ANP32E: variants seen among roughly 807,000 people sequenced by gnomAD.
ANP32E encodes acidic leucine-rich nuclear phosphoprotein 32 family member E.
ANP32E carries 14 observed loss-of-function variants against 35.3 expected under a neutral mutation model. That is an observed-to-expected ratio of 0.40 (90% confidence interval 0.26 to 0.62). The LOEUF (loss-of-function observed/expected upper bound fraction) is 0.62. ANP32E is among the 20% of genes least tolerant of loss of function. The probability of loss-of-function intolerance (pLI) is 0.45; values close to 1 mark genes in which losing one functional copy is unlikely to be tolerated. For synonymous variants in ANP32E, 89 were observed against 110.4 expected (o/e 0.81, Z 1.22); for missense variants, 198 against 304.4 (o/e 0.65, Z 2.60).
intron 2 of ANP32E, 77 bp downstream of exon 2, chr1:150,231,700 G>T: frequency 7.8e-7 from 1 of 1,286,094 alleles, no homozygotes; most frequent in Middle Eastern, 2.0e-4. Context: ...AAGCAGAATG[G>T]TCATTCCATT....
intron 5 of ANP32E, among the ~76,000 whole-genome samples, chr1:150,224,520 A>T (rs1340602993): frequency 2.0e-5 from 3 of 151,980 alleles, no homozygotes; most frequent in Admixed American, 6.6e-5. Flanking sequence ...GTAGCAGTGA[A>T]CCGAGATCGC....
chr1:150,220,897 G>A lies in ANP32E; in HGVS notation c.737-136C>T, dbSNP rs369283856. ...CACCTGTAATCCCAGCACTTTGGGAGGCTGAGGTGGATGGATCACTTGAGG... is the reference window on the plus strand; with the variant it reads ...CACCTGTAATCCCAGCACTTTGGGAAGCTGAGGTGGATGGATCACTTGAGG... On this transcript the variant is annotated intron_variant, in intron 6 of 6. Transcript: ENST00000583931. 167 of 680,750 alleles carry A rather than the reference G, an allele frequency of 2.5e-4. No homozygotes were observed. In the African/African-American group the frequency reaches 2.6e-3, roughly 11 times the overall value. 42.2% of individuals were successfully genotyped at this position (680,750 alleles called of 1,614,324 possible).
intron 3 of ANP32E, among the ~76,000 whole-genome samples, chr1:150,229,892 G>A (rs587765486): frequency 4.3e-4 from 65 of 152,210 alleles, no homozygotes; most frequent in East Asian, 4.1e-3. Context: ...GATTACAGGC[G>A]CAAGCCACCG....
At position 150,226,675 on chromosome 1, in the gene ANP32E, G is replaced by GCTTCAT. The variant is rs781986830; in HGVS notation, c.608_613dup (p.Asp203_Glu204dup). On this transcript the variant is annotated inframe_insertion, in exon 5 of 7. Transcript: ENST00000583931. The stretch of plus-strand genomic sequence containing the variant: ...TTCTCCCTCTCCCAACTCTGAACCT[G>GCTTCAT]CTTCATCTTCATCTTCATCCTCATC... 1.3e-4 allele frequency: 206 copies of GCTTCAT among 1,605,084 alleles called. 1 individual carries two copies. Among genetic ancestry groups the GCTTCAT allele is most frequent in the Non-Finnish European group, 1.6e-4 (184 of 1,173,022 alleles).
At chr1:150,231,415 T>C (rs1553841674) in intron 2 of ANP32E, among the ~76,000 whole-genome samples, 2 of 152,014 alleles carry the variant, frequency 1.3e-5, no homozygotes, top group African/African-American at 4.8e-5. Flanking sequence ...GACAACATGG[T>C]GAAACCCTAT....
In ANP32E at chr1:150,223,231, C is replaced by A; in HGVS notation, c.691G>T (p.Asp231Tyr). 1 of 1,527,516 alleles carries A rather than the reference C, an allele frequency of 6.5e-7. No homozygotes were observed. The highest frequency in any genetic ancestry group is 8.9e-7 in the Non-Finnish European group (1 of 1,125,166). 94.6% of individuals were successfully genotyped at this position (1,527,516 alleles called of 1,614,324 possible). Residue 231 changes from aspartate to tyrosine, a missense_variant, in exon 6 of 7, where the codon GAT becomes TAT. By Grantham distance (160) the Asp-to-Tyr change is radical. This residue lies in a region of ANP32E where 121 missense variants were observed against 137.3 expected (regional missense o/e 0.88). Coordinates refer to ENST00000583931, the MANE Select transcript of ANP32E (RefSeq NM_030920.5). The part of the protein sequence containing the change: ...LMKEEIQDEE[D>Y]DDDYVEEGEE... ...CCTTCTTCAACATAGTCATCATCAT[C>A]TTCTTCATCCTTGAAATTCAAATAT...
rs1389487903 is a variant in ANP32E, at chr1:150,235,643, C to T, written c.54+90G>A. 4 of 1,486,150 alleles carry T rather than the reference C, an allele frequency of 2.7e-6. No individual in the cohort carries two copies. The highest frequency in any genetic ancestry group is 3.7e-6 in the Non-Finnish European group (4 of 1,076,560). 92.1% of individuals were successfully genotyped at this position (1,486,150 alleles called of 1,614,324 possible). Reference sequence around the variant, plus strand: ...GGGGGATGGGGGCTAACTTATTACTCCATCCCCGCACACCCACCCAGGACC... The same window carrying T: ...GGGGGATGGGGGCTAACTTATTACTTCATCCCCGCACACCCACCCAGGACC... On this transcript the variant is annotated intron_variant, in intron 1 of 6. Coordinates refer to ENST00000583931, the MANE Select transcript of ANP32E (RefSeq NM_030920.5). This position sits in a 1 kb window ranked among gnomAD's most constrained non-coding sequence, Gnocchi z 4.2.
chr1:150,223,148 T>C (rs781796302), intron 6 of ANP32E, 38 bp downstream of exon 6: 5 of 1,481,384 alleles, frequency 3.4e-6, no homozygotes, highest in Non-Finnish European at 3.7e-6. Flanking sequence ...TGACTATGTC[T>C]TTAATTTTAT....
intron 5 of ANP32E, among the ~76,000 whole-genome samples, chr1:150,225,668 CAAAAAAAAAA>C (rs1648810070): frequency 3.4e-5 from 4 of 119,248 alleles, no homozygotes; most frequent in African/African-American, 6.4e-5. Flanking sequence ...GAGACTGTAA[CAAAAAAAAAA>C]AAAAAAAAAA....
intron 5 of ANP32E, 120 bp downstream of exon 5, chr1:150,226,488 G>T (rs1648884884): frequency 6.1e-6 from 7 of 1,153,706 alleles, no homozygotes; most frequent in Non-Finnish European, 8.5e-6. Context: ...CAGGTGGATA[G>T]ACATATGCAC....
intron 4 of ANP32E, among the ~76,000 whole-genome samples, chr1:150,228,088 A>G (rs1649023504): frequency 6.6e-6 from 1 of 150,946 alleles, no homozygotes; most frequent in Non-Finnish European, 1.5e-5. Context: ...TATTATATAT[A>G]TATATATGGT....
At chr1:150,232,899 A>G (rs1234657077) in intron 1 of ANP32E, among the ~76,000 whole-genome samples, 2 of 152,164 alleles carry the variant, frequency 1.3e-5, no homozygotes, top group East Asian at 3.8e-4. Context: ...GACCCTCAAC[A>G]TCAGATAATA....
intron 6 of ANP32E, among the ~76,000 whole-genome samples, chr1:150,221,560 G>T: frequency 1.0e-5 from 1 of 97,926 alleles, no homozygotes. Flanking sequence ...AGGGAGGGAA[G>T]GAAAGGAAGG....
rs1410365121 is a variant in ANP32E, at chr1:150,220,554, AAAT to A, written c.*134_*136del. The A allele has an allele frequency of 1.7e-5, 14 of 829,318 alleles. No individual in the cohort carries two copies. The Admixed American group carries it at 3.2e-4, about 19-fold the overall frequency. 51.4% of individuals were successfully genotyped at this position (829,318 alleles called of 1,614,324 possible). On this transcript the variant is annotated 3_prime_UTR_variant, in exon 7 of 7. Transcript: ENST00000583931. ...GTTCTTATTTGGAATGATAAGGCAA[AAAT>A]AGTAAAACCACACTTTTCCTATAAA...
chr1:150,227,195 C>G (rs1648947265), intron 4 of ANP32E, among the ~76,000 whole-genome samples: 2 of 152,106 alleles, frequency 1.3e-5, no homozygotes, highest in African/African-American at 4.8e-5. Context: ...TTGGAAATTT[C>G]TCAAAGAACT....
chr1:150,220,643 A>G lies in ANP32E; in HGVS notation c.*48T>C. 1 of 1,508,050 alleles carries G rather than the reference A, an allele frequency of 6.6e-7. No individual in the cohort carries two copies. The highest frequency in any genetic ancestry group is 2.3e-5 in the East Asian group (1 of 44,320). The allele number at this position is 1,508,050 out of a possible 1,614,324, so 93.4% of individuals were successfully genotyped here. A position where few individuals can be genotyped will look rare whatever the true frequency, so the allele number is the denominator to read the frequency against. On this transcript the variant is annotated 3_prime_UTR_variant, in exon 7 of 7. Coordinates refer to ENST00000583931, the MANE Select transcript of ANP32E (RefSeq NM_030920.5). ...TACATGAAGAAACAAAGATGTGATC[A>G]CTCTATTGCACACCCAGAAACATTA...
intron 2 of ANP32E, 146 bp downstream of exon 2, chr1:150,231,630 AT>A (rs1649356676): frequency 1.1e-5 from 4 of 356,252 alleles, no homozygotes; most frequent in Non-Finnish European, 1.5e-5. Flanking sequence ...ATTAGAGCTT[AT>A]TCTCAAAATC....
Position 150,231,767 on chromosome 1 carries a change from G to A in ANP32E, c.204+10C>T. ...TGAAATCATGATGCTTCACGTAAAT[G>A]CCAACTTACTTTTCGAAGTTTATTT... On this transcript the variant is annotated intron_variant, in intron 2 of 6. Transcript: ENST00000583931. The A allele has an allele frequency of 1.9e-6, 3 of 1,603,264 alleles. No homozygotes were observed. Among genetic ancestry groups the A allele is most frequent in the South Asian group, 2.2e-5 (2 of 88,984 alleles).
intron 3 of ANP32E, 68 bp from the exon 4 acceptor site, chr1:150,229,305 T>TTC (rs1201361832): frequency 9.7e-7 from 1 of 1,025,858 alleles, no homozygotes; most frequent in Non-Finnish European, 1.4e-6. Context: ...TTTCTTTTTT[T>TTC]TTTTTTTTTT....
Sources: allele counts gnomAD v4.1 joint callset (sites outside exome capture counted in the v4.1 genomes callset), GRCh38; gene constraint gnomAD v4.1.1; regional missense constraint gnomAD v4.1.1; non-coding constraint Gnocchi (gnomAD v3.1); transcripts MANE v1.5; gene names NCBI Gene and HGNC (gene_info 2026-07-23, HGNC 2026-07-21).